PMM2: variants seen among roughly 807,000 people sequenced by gnomAD.
PMM2 encodes the protein phosphomannomutase 2.
PMM2 carries 35 observed loss-of-function variants against 33.2 expected under a neutral mutation model. The observed-to-expected ratio is 1.06, with a 90% CI of 0.81 to 1.40. PMM2 has a LOEUF of 1.40. Among genes scored for constraint, PMM2 ranks in the 40% most tolerant of loss-of-function variants. The pLI, the probability that PMM2 is intolerant of heterozygous loss-of-function variation, is 0.00. For missense variants in PMM2, 386 were observed against 306.0 expected (o/e 1.26, Z -1.95); for synonymous variants, 153 against 114.7 (o/e 1.33, Z -2.13).
chr16:8,836,098 C>G (rs1037240919), intron 7 of PMM2, among the ~76,000 whole-genome samples: 12 of 151,436 alleles, frequency 7.9e-5, no homozygotes, highest in Admixed American at 1.3e-4. Context: ...GAAGCCTGGC[C>G]GTCAATACCC....
intron 7 of PMM2, among the ~76,000 whole-genome samples, chr16:8,846,660 A>C (rs1334838849): frequency 6.6e-6 from 1 of 152,100 alleles, no homozygotes; most frequent in Non-Finnish European, 1.5e-5. Context: ...CGGTTTCGTC[A>C]TCTTACCAAG....
intron 4 of PMM2, chr16:8,810,866 C>A: frequency 1.7e-6 from 1 of 591,746 alleles, no homozygotes; most frequent in African/African-American, 1.9e-5. Context: ...CATACTAAAT[C>A]TTTCAAATCT....
chr16:8,799,035 A>G (rs2060595855), intron 1 of PMM2, among the ~76,000 whole-genome samples: 1 of 152,216 alleles, frequency 6.6e-6, no homozygotes, highest in South Asian at 2.1e-4. Flanking sequence ...TTAAAAGCCC[A>G]TAGTGGTCTA....
chr16:8,836,314 C>T (rs1423576519), intron 7 of PMM2, among the ~76,000 whole-genome samples: 2 of 152,040 alleles, frequency 1.3e-5, no homozygotes, highest in Middle Eastern at 3.2e-3. Context: ...GGGAAGGAGT[C>T]AGAGAGCCTT....
At chr16:8,827,032 C>T (rs1395508978) in intron 7 of PMM2, among the ~76,000 whole-genome samples, 9 of 152,130 alleles carry the variant, frequency 5.9e-5, no homozygotes, top group Admixed American at 5.9e-4. Flanking sequence ...CTCTCCCCTA[C>T]TAAAGTAATT....
chr16:8,818,193 C>T (rs1034357685), intron 7 of PMM2, among the ~76,000 whole-genome samples: 4 of 146,216 alleles, frequency 2.7e-5, no homozygotes, highest in East Asian at 2.1e-4. Context: ...TGAGCCACTG[C>T]GCCTGGCGCA....
intron 1 of PMM2, among the ~76,000 whole-genome samples, chr16:8,799,202 A>G (rs981656029): frequency 6.6e-6 from 1 of 152,180 alleles, no homozygotes; most frequent in Non-Finnish European, 1.5e-5. Flanking sequence ...ATAAAATTTT[A>G]TTTATTTATT....
intron 7 of PMM2, 166 bp from the exon 8 acceptor site, chr16:8,847,558 A>G (rs1367717179): frequency 1.2e-5 from 8 of 648,682 alleles, no homozygotes; most frequent in East Asian, 5.5e-5. Flanking sequence ...CTTAATAACA[A>G]TTGTACTCAC....
chr16:8,806,685 T>C, intron 4 of PMM2: 1 of 484,000 alleles, frequency 2.1e-6, no homozygotes, highest in South Asian at 2.1e-5. Flanking sequence ...TCCCAGCACT[T>C]AGTAAGGAAT....
intron 1 of PMM2, 67 bp downstream of exon 1, chr16:8,798,015 C>A (rs918465976): frequency 2.7e-6 from 4 of 1,488,288 alleles, no homozygotes; most frequent in Non-Finnish European, 3.7e-6. Context: ...TTGGGGCTAT[C>A]GACCACCCAG....
chr16:8,798,038 G>C, intron 1 of PMM2, 90 bp downstream of exon 1: 2 of 1,330,590 alleles, frequency 1.5e-6, no homozygotes, highest in Non-Finnish European at 2.1e-6. Flanking sequence ...TAGGCGCCAA[G>C]GGGTGGCTAA....
chr16:8,809,844 T>A (rs948779568), intron 4 of PMM2: 3 of 152,166 alleles, frequency 2.0e-5, no homozygotes, highest in African/African-American at 7.2e-5. Flanking sequence ...GGGGTCTCCC[T>A]CTGTTACCCA....
rs2060647410 is a variant in PMM2 at position 8,806,319 on chromosome 16, A to G, written c.259A>G (p.Ile87Val). The change falls in exon 4 of 8, where the codon ATT becomes GTT. Residue 87 changes from isoleucine to valine, a missense_variant. By Grantham distance (29) the Ile-to-Val change is conservative. Coordinates refer to ENST00000268261, the MANE Select transcript of PMM2 (RefSeq NM_000303.3). ...KDGKLLCRQN[I>V]QSHLGEALIQ... ...CTCAAGTATTTTCTTCATCTAGAAT[A>G]TTCAAAGTCATCTGGGTGAGGCCCT... 1 of 1,593,888 alleles carries G rather than the reference A, an allele frequency of 6.3e-7. No individual in the cohort carries two copies. Among genetic ancestry groups the G allele is most frequent in the South Asian group, 1.1e-5 (1 of 90,672 alleles).
intron 3 of PMM2, among the ~76,000 whole-genome samples, chr16:8,805,705 G>T (rs528403798): frequency 6.6e-6 from 1 of 151,422 alleles, no homozygotes; most frequent in Admixed American, 6.6e-5. Flanking sequence ...TGATTCTTGT[G>T]CCTCAGCCTC....
At chr16:8,815,954 A>G (rs1244690126) in intron 7 of PMM2, among the ~76,000 whole-genome samples, 2 of 151,942 alleles carry the variant, frequency 1.3e-5, no homozygotes, top group Non-Finnish European at 2.9e-5. Flanking sequence ...CAACAACTCA[A>G]TGGCAAAAAA....
At chr16:8,845,162 A>G (rs78038145) in intron 7 of PMM2, among the ~76,000 whole-genome samples, 3 of 152,154 alleles carry the variant, frequency 2.0e-5, no homozygotes, top group African/African-American at 7.2e-5. Context: ...ATTAGTTCTT[A>G]TGGGTTTTGG....
intron 3 of PMM2, among the ~76,000 whole-genome samples, chr16:8,805,898 C>T (rs999966935): frequency 3.3e-5 from 5 of 152,160 alleles, no homozygotes; most frequent in African/African-American, 4.8e-5. Context: ...GCACTATAAG[C>T]ATTTTTAAGA....
rs976247744 is a variant in PMM2 at position 8,840,445 on chromosome 16, A to AT, written c.640-7278dup. Among the ~76,000 whole-genome samples, 54 of 152,064 alleles carry AT rather than the reference A, an allele frequency of 3.6e-4. 1 individual carries two copies. Among genetic ancestry groups the AT allele is most frequent in the African/African-American group, 1.3e-3 (53 of 41,504 alleles). ...ATTTATAAGTAGTTGAGAATGGAGA[A>AT]TAGGAGTATGACCAGACAGAAGATA... is the stretch of plus-strand genomic sequence containing the variant. On this transcript the variant is annotated intron_variant, in intron 7 of 7. Transcript: ENST00000268261.
At chr16:8,847,677 CG>C (rs1307405784) in intron 7 of PMM2, 46 bp from the exon 8 acceptor site, 1 of 1,422,550 alleles carries the variant, frequency 7.0e-7, no homozygotes, top group Non-Finnish European at 9.9e-7. Context: ...AGCAATGGCC[CG>C]GGACAGACGA....
Sources: allele counts gnomAD v4.1 joint callset (sites outside exome capture counted in the v4.1 genomes callset), GRCh38; gene constraint gnomAD v4.1.1; transcripts MANE v1.5; gene names NCBI Gene and HGNC (gene_info 2026-07-23, HGNC 2026-07-21).